The following RPS6KB1 variants were observed in gnomAD, a reference collection of about 807,000 sequenced individuals.
The protein encoded by RPS6KB1 is ribosomal protein S6 kinase B1, also known as ribosomal protein S6 kinase beta-1.
Under a neutral mutation model 70.2 loss-of-function variants are expected in RPS6KB1, and 12 were observed. The ratio of observed to expected loss-of-function variants is 0.17; its 90% CI spans 0.11 to 0.28. The LOEUF is 0.28. RPS6KB1 is among the 10% of genes least tolerant of loss of function. The pLI is 1.00. For missense variants in RPS6KB1, 270 were observed against 646.6 expected (o/e 0.42, Z 6.32); for synonymous variants, 175 against 211.2 (o/e 0.83, Z 1.49).
chr17:59,943,037 G>A (rs1349962366), intron 13 of RPS6KB1, among the ~76,000 whole-genome samples: 2 of 152,020 alleles, frequency 1.3e-5, no homozygotes, highest in African/African-American at 2.4e-5. Context: ...CAAAAGTTGT[G>A]TATAGTACAG....
intron 4 of RPS6KB1, among the ~76,000 whole-genome samples, chr17:59,919,916 C>A (rs1425576096): frequency 6.6e-6 from 1 of 152,090 alleles, no homozygotes; most frequent in African/African-American, 2.4e-5. Context: ...GTGTATTCCC[C>A]TTTGCAGGCA....
chr17:59,901,118 A>G (rs12951132), intron 1 of RPS6KB1, among the ~76,000 whole-genome samples: 1 of 151,222 alleles, frequency 6.6e-6, no homozygotes, highest in Non-Finnish European at 1.5e-5. Context: ...CCGAGATTGC[A>G]CCACTGCATT....
In RPS6KB1 at chr17:59,934,118, C is replaced by G. The variant is rs1246513411; in HGVS notation, c.689-52C>G. On this transcript the variant is annotated intron_variant, in intron 7 of 14. Transcript: ENST00000225577. This position sits in a 1 kb window ranked among gnomAD's most constrained non-coding sequence, Gnocchi z 4.8. Reference sequence around the variant, plus strand: ...AAGTATTATGTGACATGTTCAAACACTGCACATACTTATAATTCGGAGAAT... The same window carrying G: ...AAGTATTATGTGACATGTTCAAACAGTGCACATACTTATAATTCGGAGAAT... The G allele has an allele frequency of 8.8e-7, 1 of 1,142,240 alleles. No homozygotes were observed. The highest frequency in any genetic ancestry group is 1.3e-6 in the Non-Finnish European group (1 of 750,458). The allele number at this position is 1,142,240 out of a possible 1,614,324, so 70.8% of individuals were successfully genotyped here. A position where few individuals can be genotyped will look rare whatever the true frequency, so the allele number is the denominator to read the frequency against.
rs1480146676 is a variant in RPS6KB1, at chr17:59,949,232, A to C, written c.*2444A>C. On this transcript the variant is annotated 3_prime_UTR_variant, in exon 15 of 15. Transcript: ENST00000225577. Reference sequence around the variant, plus strand: ...ACTTGTTTCATAAATGGATATCCCTACTATGACTGTGAAAACATGTCAAGT... The same window carrying C: ...ACTTGTTTCATAAATGGATATCCCTCCTATGACTGTGAAAACATGTCAAGT... The C allele has an allele frequency of 6.6e-6, 1 of 152,642 alleles. No individual in the cohort carries two copies. Among genetic ancestry groups the C allele is most frequent in the East Asian group, 1.9e-4 (1 of 5,206 alleles). The allele number at this position is 152,642 out of a possible 1,614,324, so 9.5% of individuals were successfully genotyped here. A position where few individuals can be genotyped will look rare whatever the true frequency, so the allele number is the denominator to read the frequency against.
At chr17:59,906,861 T>G (rs1380958033) in intron 1 of RPS6KB1, 1 of 147,634 alleles carries the variant, frequency 6.8e-6, no homozygotes, top group African/African-American at 2.5e-5. Flanking sequence ...GCCTGGCTAA[T>G]TTTTGTATTT....
Position 59,914,811 on chromosome 17 carries a change from T to G in RPS6KB1, c.381+108T>G. 3 of 944,824 alleles carry G rather than the reference T, an allele frequency of 3.2e-6. No individual in the cohort carries two copies. In the South Asian group the frequency reaches 4.6e-5, roughly 15 times the overall value. 58.5% of individuals were successfully genotyped at this position (944,824 alleles called of 1,614,324 possible). A position where few individuals can be genotyped will look rare whatever the true frequency, so the allele number is the denominator to read the frequency against. On this transcript the variant is annotated intron_variant, in intron 4 of 14. Transcript: ENST00000225577. ...TCATATTTTTAATTGTTGTAACATTTTGGCCTAAAATTTGCAGTCAAAAAA... is the reference window on the plus strand; with the variant it reads ...TCATATTTTTAATTGTTGTAACATTGTGGCCTAAAATTTGCAGTCAAAAAA...
Position 59,931,550 on chromosome 17 carries a change from T to G in RPS6KB1, c.588-72T>G, listed in dbSNP as rs1403137482. 4.2e-6 allele frequency: 5 copies of G among 1,183,084 alleles called. No individual in the cohort carries two copies. The African/African-American group carries it at 7.6e-5, about 18-fold the overall frequency. 73.3% of individuals were successfully genotyped at this position (1,183,084 alleles called of 1,614,324 possible). ...TGCATGTCTGTTTCTTTCAAGGAAT[T>G]TTGCTCCATACGTAAACTGCTTTGG... On this transcript the variant is annotated intron_variant, in intron 6 of 14. Transcript: ENST00000225577.
At chr17:59,918,178 C>T (rs1202098344) in intron 4 of RPS6KB1, among the ~76,000 whole-genome samples, 3 of 152,116 alleles carry the variant, frequency 2.0e-5, no homozygotes, top group African/African-American at 7.2e-5. Flanking sequence ...GTGATCCGCC[C>T]GCCTTGGCCT....
chr17:59,920,095 C>CT (rs34782350), intron 4 of RPS6KB1, among the ~76,000 whole-genome samples: 353 of 147,166 alleles, frequency 2.4e-3, no homozygotes, highest in African/African-American at 7.5e-3. Flanking sequence ...ATTCCACTGT[C>CT]TTTTTTTTTT....
intron 1 of RPS6KB1, among the ~76,000 whole-genome samples, chr17:59,898,151 A>G (rs2144663078): frequency 6.6e-6 from 1 of 152,190 alleles, no homozygotes; most frequent in South Asian, 2.1e-4. Context: ...TTTAGATTGC[A>G]AAAATGTTGG....
intron 1 of RPS6KB1, among the ~76,000 whole-genome samples, chr17:59,897,010 A>G (rs1333274861): frequency 6.6e-6 from 1 of 152,142 alleles, no homozygotes; most frequent in Non-Finnish European, 1.5e-5. Context: ...ACTTTAATTT[A>G]TTACACAAAG....
intron 4 of RPS6KB1, among the ~76,000 whole-genome samples, chr17:59,917,494 G>C (rs2043025915): frequency 6.6e-6 from 1 of 151,822 alleles, no homozygotes; most frequent in Non-Finnish European, 1.5e-5. Context: ...CTGGAGTGTG[G>C]TGGTGTGATC....
chr17:59,900,202 ACACACACACAC>A (rs1287222480), intron 1 of RPS6KB1, among the ~76,000 whole-genome samples: 1 of 149,998 alleles, frequency 6.7e-6, no homozygotes, highest in East Asian at 2.0e-4. Flanking sequence ...ACACACACAC[ACACACACACAC>A]ACACACACAC....
Position 59,934,698 on chromosome 17 carries a change from T to C in RPS6KB1, c.870+174T>C. The C allele has an allele frequency of 1.9e-6, 1 of 535,348 alleles. No individual in the cohort carries two copies. The highest frequency in any genetic ancestry group is 3.1e-5 in the South Asian group (1 of 32,314). 33.2% of individuals were successfully genotyped at this position (535,348 alleles called of 1,614,324 possible). On this transcript the variant is annotated intron_variant, in intron 9 of 14. Transcript: ENST00000225577. The surrounding 1 kb of genome is among the most constrained non-coding windows in gnomAD (Gnocchi z 4.8). ...TATGATTATATGGGATCCCATACTT[T>C]CCGAAACATTTTCTTTTAAATGATC...
intron 4 of RPS6KB1, among the ~76,000 whole-genome samples, chr17:59,916,488 C>G (rs1005326021): frequency 1.3e-5 from 2 of 152,168 alleles, no homozygotes. Context: ...GTTTTGCTTT[C>G]TTTGAATCTA....
In RPS6KB1 at chr17:59,931,742, A is replaced by C. The variant is rs757507370; in HGVS notation, c.688+20A>C. 7.3e-6 allele frequency: 11 copies of C among 1,511,244 alleles called. No homozygotes were observed. The highest frequency in any genetic ancestry group is 9.2e-6 in the Non-Finnish European group (10 of 1,089,292). 93.6% of individuals were successfully genotyped at this position (1,511,244 alleles called of 1,614,324 possible). A position where few individuals can be genotyped will look rare whatever the true frequency, so the allele number is the denominator to read the frequency against. ...ACCAAGGTGGAGACATACCGTAAACAATTCTATAGTAAATAATCATCTTAA... is the reference window on the plus strand; with the variant it reads ...ACCAAGGTGGAGACATACCGTAAACCATTCTATAGTAAATAATCATCTTAA... On this transcript the variant is annotated intron_variant, in intron 7 of 14. Transcript: ENST00000225577.
At chr17:59,932,264 T>C (rs1264075961) in intron 7 of RPS6KB1, among the ~76,000 whole-genome samples, 1 of 149,784 alleles carries the variant, frequency 6.7e-6, no homozygotes, top group Non-Finnish European at 1.5e-5. Flanking sequence ...AAAAAAAAAT[T>C]AGCTGGGCAT....
intron 1 of RPS6KB1, among the ~76,000 whole-genome samples, chr17:59,897,969 A>G (rs974663225): frequency 2.6e-5 from 4 of 152,022 alleles, no homozygotes; most frequent in African/African-American, 9.7e-5. Context: ...CGTCTCAAAA[A>G]AAAAAAAAAA....
intron 1 of RPS6KB1, among the ~76,000 whole-genome samples, chr17:59,903,386 G>T (rs1243064776): frequency 1.3e-5 from 2 of 150,964 alleles, no homozygotes; most frequent in Non-Finnish European, 2.9e-5. Flanking sequence ...GAAGTGGGAG[G>T]ATCACCTGAG....
Sources: gnomAD v4.1 joint callset for allele counts (sites outside exome capture counted in the v4.1 genomes callset) on GRCh38, gnomAD v4.1.1 for gene constraint, Gnocchi (gnomAD v3.1) non-coding constraint, MANE v1.5 for transcripts, NCBI Gene and HGNC (gene_info 2026-07-23, HGNC 2026-07-21) for gene names.